Variants in DPY19L2 observed in about 807,000 individuals in gnomAD.
DPY19L2 encodes the protein dpy-19 like 2, also known as probable C-mannosyltransferase DPY19L2.
In DPY19L2, 34 loss-of-function variants were observed where a neutral mutation model predicts 97.9. The observed-to-expected ratio is 0.35, with a 90% CI of 0.26 to 0.46. DPY19L2 has a LOEUF of 0.46. Ranked by LOEUF, DPY19L2 falls within the 20% of genes least tolerant of loss-of-function variation. DPY19L2 has a pLI of 1.00. For missense variants in DPY19L2, 623 were observed against 911.4 expected, an observed-to-expected ratio of 0.68 and a Z score of 4.07; for synonymous variants, 230 against 307.9, an observed-to-expected ratio of 0.75 and a Z score of 2.65.
At chr12:63,640,818 T>C (rs1474242534) in intron 6 of DPY19L2, among the ~76,000 whole-genome samples, 1 of 152,194 alleles carries the variant, frequency 6.6e-6, no homozygotes, top group Non-Finnish European at 1.5e-5. Flanking sequence ...TGTAACATTT[T>C]CCATATGAAA....
At chr12:63,594,463 T>TTG (rs770320993) in intron 15 of DPY19L2, among the ~76,000 whole-genome samples, 49 of 71,228 alleles carry the variant, frequency 6.9e-4, no homozygotes, top group East Asian at 3.5e-3. Context: ...GAGAGAGAGA[T>TTG]AGTGTGTGTG....
chr12:63,620,635 T>G (rs1008356069), intron 9 of DPY19L2, among the ~76,000 whole-genome samples: 8 of 152,176 alleles, frequency 5.3e-5, no homozygotes, highest in African/African-American at 1.9e-4. Context: ...TTGAAAATCT[T>G]TTAGGGCGTA....
intron 4 of DPY19L2, among the ~76,000 whole-genome samples, chr12:63,654,925 T>C (rs1372089546): frequency 5.3e-5 from 8 of 152,124 alleles, no homozygotes; most frequent in African/African-American, 1.7e-4. Context: ...AAACTAGAAT[T>C]AGTATTTTCA....
At chr12:63,633,196 A>G (rs1032679210) in intron 6 of DPY19L2, among the ~76,000 whole-genome samples, 1 of 152,170 alleles carries the variant, frequency 6.6e-6, no homozygotes, top group African/African-American at 2.4e-5. Flanking sequence ...AATGGCAAGA[A>G]AAGCCGAAAT....
At chr12:63,561,338 C>A (rs1299631782) in intron 21 of DPY19L2, among the ~76,000 whole-genome samples, 3 of 152,042 alleles carry the variant, frequency 2.0e-5, no homozygotes, top group Admixed American at 6.6e-5. Context: ...CAGGTATGGG[C>A]AAATGTGTAT....
At chr12:63,642,756 C>T (rs1892878429) in intron 6 of DPY19L2, among the ~76,000 whole-genome samples, 1 of 151,676 alleles carries the variant, frequency 6.6e-6, no homozygotes. Context: ...TTCAAGAATA[C>T]CTTGACTGTA....
rs749599635 is a variant in DPY19L2 at position 63,582,382 on chromosome 12, G to A, written c.1725+24C>T. On this transcript the variant is annotated intron_variant, in intron 18 of 21. Coordinates refer to ENST00000324472, the MANE Select transcript of DPY19L2 (RefSeq NM_173812.5). The stretch of plus-strand genomic sequence containing the variant: ...TAGCTGCTATAGTTTTTATAGTATT[G>A]TTATACAAGAATGAATCCCTTACCT... 2.5e-6 allele frequency: 4 copies of A among 1,603,240 alleles called. No homozygotes were observed. In the African/African-American group the frequency reaches 4.0e-5, roughly 16 times the overall value.
rs531859144 is a variant in DPY19L2 at position 63,616,705 on chromosome 12, GC to G, written c.1218+598del. On this transcript the variant is annotated intron_variant, in intron 11 of 21. Transcript: ENST00000324472. ...ACTGCACACTTATTCTAATTATCTT[GC>G]CATCACTCAAAGTAGTTTGGAACTA... Among the ~76,000 whole-genome samples the G allele has an allele frequency of 1.6e-3, 248 of 152,182 alleles. 1 individual carries two copies. Among genetic ancestry groups the G allele is most frequent in the African/African-American group, 5.8e-3 (242 of 41,530 alleles).
rs61936091 is a variant in DPY19L2, at chr12:63,625,186, A to T, written c.862-1055T>A. Among the ~76,000 whole-genome samples, 5 of 152,126 alleles carry T rather than the reference A, an allele frequency of 3.3e-5. No individual in the cohort carries two copies. In the East Asian group the frequency reaches 5.8e-4, roughly 18 times the overall value. ...GCCAAGGTGGGTGGATCATGAGGTCAGGAGTTCGAGACCAGCCTGGCCAAC... is the reference window on the plus strand; with the variant it reads ...GCCAAGGTGGGTGGATCATGAGGTCTGGAGTTCGAGACCAGCCTGGCCAAC... On this transcript the variant is annotated intron_variant, in intron 7 of 21. Coordinates refer to ENST00000324472, the MANE Select transcript of DPY19L2 (RefSeq NM_173812.5).
chr12:63,573,671 G>T (rs1204005788), intron 19 of DPY19L2, among the ~76,000 whole-genome samples: 1 of 152,072 alleles, frequency 6.6e-6, no homozygotes, highest in Admixed American at 6.6e-5. Flanking sequence ...ATAAAGAAAG[G>T]ATCCTAAAAG....
At chr12:63,582,058 C>T (rs1592429733) in intron 18 of DPY19L2, among the ~76,000 whole-genome samples, 1 of 148,978 alleles carries the variant, frequency 6.7e-6, no homozygotes, top group Non-Finnish European at 1.5e-5. Flanking sequence ...ATCTCGGCCT[C>T]CCAAAGTGCT....
At chr12:63,635,373 C>T (rs1469024100) in intron 6 of DPY19L2, among the ~76,000 whole-genome samples, 2 of 152,120 alleles carry the variant, frequency 1.3e-5, no homozygotes, top group Non-Finnish European at 2.9e-5. Context: ...AACCGGAGTG[C>T]CTCTTCTCCT....
In DPY19L2 at chr12:63,582,469, C is replaced by G; in HGVS notation, c.1662G>C (p.Met554Ile). 1 of 1,613,568 alleles carries G rather than the reference C, an allele frequency of 6.2e-7. No individual in the cohort carries two copies. Among genetic ancestry groups the G allele is most frequent in the Non-Finnish European group, 8.5e-7 (1 of 1,179,692 alleles). Residue 554 changes from methionine to isoleucine, a missense_variant, in exon 18 of 22, where the codon ATG becomes ATC. Coordinates refer to ENST00000324472, the MANE Select transcript of DPY19L2 (RefSeq NM_173812.5). ...GCGGTGTCAAAAACATCTTTAGCCT[C>G]ATAATTAAAATGGCAAGGGCAGTAA... ...LVFTALAILI[M>I]RLKMFLTPHM...
At chr12:63,652,559 G>A (rs1002331734) in intron 4 of DPY19L2, among the ~76,000 whole-genome samples, 9 of 152,128 alleles carry the variant, frequency 5.9e-5, no homozygotes, top group African/African-American at 2.2e-4. Flanking sequence ...AAGAAAATGT[G>A]GTGGTACATA....
chr12:63,563,357 C>T (rs1157388726), intron 21 of DPY19L2, among the ~76,000 whole-genome samples: 1 of 152,142 alleles, frequency 6.6e-6, no homozygotes, highest in African/African-American at 2.4e-5. Context: ...TCCAAGGTTA[C>T]AATAATTTTC....
rs571847291 is a variant in DPY19L2, at chr12:63,630,005, C to A, written c.804-3479G>T. 3.7e-4 allele frequency among the ~76,000 whole-genome samples: 56 copies of A among 152,206 alleles called. 1 individual carries two copies. Among genetic ancestry groups the A allele is most frequent in the Middle Eastern group, 3.4e-3 (1 of 294 alleles). ...AAGGAGAAATAAAATCCTTTACAGA[C>A]AAGCAAATGCTGAGAGATTTTGTCA... is the stretch of plus-strand genomic sequence containing the variant. On this transcript the variant is annotated intron_variant, in intron 6 of 21. Transcript: ENST00000324472.
At chr12:63,600,255 T>C (rs1884915404) in intron 13 of DPY19L2, 51 bp downstream of exon 13, 1 of 1,457,594 alleles carries the variant, frequency 6.9e-7, no homozygotes, top group Non-Finnish European at 9.6e-7. Flanking sequence ...AAAGTTTTCA[T>C]TCAGCTACAT....
chr12:63,654,830 T>C (rs1407441777), intron 4 of DPY19L2, among the ~76,000 whole-genome samples: 1 of 152,076 alleles, frequency 6.6e-6, no homozygotes, highest in African/African-American at 2.4e-5. Context: ...AGCTACAAAA[T>C]ATGTGAAGAA....
intron 17 of DPY19L2, among the ~76,000 whole-genome samples, chr12:63,583,169 A>T (rs541168709): frequency 1.3e-5 from 2 of 152,286 alleles, no homozygotes; most frequent in African/African-American, 4.8e-5. Context: ...AGCATTTTGG[A>T]TAAGGGATAC....
Sources: allele counts gnomAD v4.1 joint callset (sites outside exome capture counted in the v4.1 genomes callset), GRCh38; gene constraint gnomAD v4.1.1; transcripts MANE v1.5; gene names NCBI Gene and HGNC (gene_info 2026-07-23, HGNC 2026-07-21).